Variants in EXOC4 observed in about 807,000 individuals in gnomAD.
EXOC4 encodes the protein exocyst complex component 4.
A neutral mutation model predicts 107.2 loss-of-function variants in EXOC4; 71 were observed. The observed-to-expected ratio is 0.66, with a 90% confidence interval of 0.55 to 0.81. The LOEUF is 0.81. EXOC4 is among the 30% of genes least tolerant of loss of function. The pLI is 0.00. For synonymous variants in EXOC4, 456 were observed against 441.2 expected, an observed-to-expected ratio of 1.03 and a Z score of -0.42; for missense variants, 1,108 against 1,189.6, an observed-to-expected ratio of 0.93 and a Z score of 1.01.
chr7:133,794,520 T>C (rs1796772982), intron 10 of EXOC4, among the ~76,000 whole-genome samples: 1 of 152,228 alleles, frequency 6.6e-6, no homozygotes, highest in African/African-American at 2.4e-5. Flanking sequence ...AGTTACCTGT[T>C]TTCCTGATTT....
chr7:133,640,886 G>T (rs1201241391), intron 10 of EXOC4, among the ~76,000 whole-genome samples: 3 of 149,372 alleles, frequency 2.0e-5, no homozygotes, highest in African/African-American at 7.4e-5. Context: ...TTTTTTTTAA[G>T]AGAGAGGATC....
intron 9 of EXOC4, among the ~76,000 whole-genome samples, chr7:133,623,029 T>C (rs1000707764): frequency 2.6e-5 from 4 of 152,128 alleles, no homozygotes; most frequent in African/African-American, 7.2e-5. Flanking sequence ...AATAATATTA[T>C]AGGAATATTA....
chr7:133,935,125 T>C (rs1375222068), intron 13 of EXOC4, among the ~76,000 whole-genome samples: 1 of 151,998 alleles, frequency 6.6e-6, no homozygotes, highest in Non-Finnish European at 1.5e-5. Flanking sequence ...CAGTGCACCA[T>C]TGCCCCACCA....
At chr7:133,718,432 T>A (rs1795040934) in intron 10 of EXOC4, among the ~76,000 whole-genome samples, 1 of 152,130 alleles carries the variant, frequency 6.6e-6, no homozygotes, top group Admixed American at 6.5e-5. Context: ...TTTTCTCTTT[T>A]TAGAGAAGCC....
chr7:133,572,921 T>TG (rs1294721644), intron 9 of EXOC4, among the ~76,000 whole-genome samples: 1 of 152,214 alleles, frequency 6.6e-6, no homozygotes, highest in African/African-American at 2.4e-5. Flanking sequence ...GAGGATTGCT[T>TG]GGGGAAAAGA....
In EXOC4 at chr7:133,898,463, A is replaced by AG. The variant is rs1261690879; in HGVS notation, c.1871+2730dup. On this transcript the variant is annotated intron_variant, in intron 12 of 17. Coordinates refer to ENST00000253861, the MANE Select transcript of EXOC4 (RefSeq NM_021807.4). ...TAAAATATTTTAACTATTAAAACTT[A>AG]GGCCCGATGCAGTGGCTCACGCCTG... 2.6e-5 allele frequency among the ~76,000 whole-genome samples: 4 copies of AG among 152,054 alleles called. No homozygotes were observed. The East Asian group carries it at 7.7e-4, about 29-fold the overall frequency.
At chr7:133,858,567 C>T (rs915630167) in intron 11 of EXOC4, among the ~76,000 whole-genome samples, 1 of 152,114 alleles carries the variant, frequency 6.6e-6, no homozygotes, top group African/African-American at 2.4e-5. Context: ...TCACCAGGGA[C>T]CTGCCTCTTC....
intron 8 of EXOC4, among the ~76,000 whole-genome samples, chr7:133,478,735 A>G (rs1462114051): frequency 6.6e-6 from 1 of 152,068 alleles, no homozygotes. Context: ...TTATTGTGCT[A>G]TGTGTGCCTC....
the EXOC4 span, among the ~76,000 whole-genome samples, chr7:134,076,930 A>G: frequency 6.6e-6 from 1 of 152,162 alleles, no homozygotes; most frequent in Non-Finnish European, 1.5e-5. Context: ...ACATCCTGAT[A>G]AACCCATCAT....
intron 9 of EXOC4, among the ~76,000 whole-genome samples, chr7:133,565,977 C>CAACA (rs1363399739): frequency 2.0e-5 from 3 of 152,196 alleles, no homozygotes; most frequent in African/African-American, 7.2e-5. Context: ...AGATACAAGG[C>CAACA]AACAATGTTA....
At chr7:134,030,053 G>A (rs936819028) in intron 17 of EXOC4, among the ~76,000 whole-genome samples, 1 of 152,206 alleles carries the variant, frequency 6.6e-6, no homozygotes, top group African/African-American at 2.4e-5. Context: ...TTGAATAAAT[G>A]TGAGAGCTAG....
chr7:134,064,315 C>A lies in EXOC4; in HGVS notation c.2712C>A (p.Asn904Lys), dbSNP rs751083672. 2 of 1,483,742 alleles carry A rather than the reference C, an allele frequency of 1.3e-6. No individual in the cohort carries two copies. The highest frequency in any genetic ancestry group is 1.8e-6 in the Non-Finnish European group (2 of 1,108,058). The allele number at this position is 1,483,742 out of a possible 1,614,324, so 91.9% of individuals were successfully genotyped here. The change falls in exon 18 of 18, where the codon AAC becomes AAA. Residue 904 changes from asparagine (N) to lysine (K), a missense_variant. Asn to Lys is a moderately conservative substitution (Grantham distance 94). Transcript: ENST00000253861. ...FARQYYEMLY[N>K]TADELLNLVV... ...GGCAGTACTACGAGATGCTTTACAA[C>A]ACAGCTGACGAGCTCCTGAACCTGG...
intron 10 of EXOC4, among the ~76,000 whole-genome samples, chr7:133,711,456 C>T (rs1213404300): frequency 1.3e-5 from 2 of 152,104 alleles, no homozygotes; most frequent in African/African-American, 4.8e-5. Flanking sequence ...TTGAGTGTCT[C>T]ATAAAAGTAC....
chr7:133,926,201 A>G (rs925683645), intron 13 of EXOC4, among the ~76,000 whole-genome samples: 8 of 152,202 alleles, frequency 5.3e-5, no homozygotes, highest in Admixed American at 3.3e-4. Flanking sequence ...TGAGGTGCAG[A>G]GGAAGTAAAT....
intron 7 of EXOC4, among the ~76,000 whole-genome samples, chr7:133,443,405 A>C (rs1798147783): frequency 6.6e-6 from 1 of 152,176 alleles, no homozygotes; most frequent in African/African-American, 2.4e-5. Context: ...ACCAGAGAGC[A>C]ACTGGATAGC....
At chr7:134,074,327 C>T in the EXOC4 span, among the ~76,000 whole-genome samples, 2 of 152,166 alleles carry the variant, frequency 1.3e-5, no homozygotes, top group Admixed American at 6.5e-5. Flanking sequence ...CTTCTTCTCC[C>T]CTTTCTTTTC....
intron 4 of EXOC4, among the ~76,000 whole-genome samples, chr7:133,316,245 ATGT>A (rs1172950097): frequency 6.6e-6 from 1 of 152,284 alleles, no homozygotes; most frequent in African/African-American, 2.4e-5. Context: ...GTGGGGGCAG[ATGT>A]TGTTCCCAAT....
chr7:134,092,921 T>TAAAAAAA, the EXOC4 span, among the ~76,000 whole-genome samples: 2 of 86,384 alleles, frequency 2.3e-5, no homozygotes, highest in African/African-American at 1.6e-4. Context: ...AGACTCCATC[T>TAAAAAAA]CAAAAAAAAA....
intron 10 of EXOC4, among the ~76,000 whole-genome samples, chr7:133,749,955 GTTTTTTTTTTTTTTT>G (rs56902982): frequency 9.7e-5 from 6 of 62,102 alleles, no homozygotes; most frequent in African/African-American, 1.9e-4. Context: ...GTGGTTGGCA[GTTTTTTTTTTTTTTT>G]TTTTTTTTTT....
Sources: allele counts gnomAD v4.1 joint callset (sites outside exome capture counted in the v4.1 genomes callset), GRCh38; gene constraint gnomAD v4.1.1; transcripts MANE v1.5; gene names NCBI Gene and HGNC (gene_info 2026-07-23, HGNC 2026-07-21).